Variants in MDGA2 observed in about 807,000 individuals in gnomAD.
The protein encoded by MDGA2 is MAM domain-containing glycosylphosphatidylinositol anchor protein 2.
In MDGA2, 40 loss-of-function variants were observed where a neutral mutation model predicts 117.8. That is an observed-to-expected ratio of 0.34 (90% confidence interval 0.26 to 0.44). The LOEUF is 0.44. Among genes scored for constraint, MDGA2 ranks in the 20% least tolerant of loss-of-function variants. The pLI is 1.00. For synonymous variants in MDGA2, 452 were observed against 439.0 expected (o/e 1.03, Z -0.37); for missense variants, 1,123 against 1,250.6 (o/e 0.90, Z 1.54).
intron 1 of MDGA2, among the ~76,000 whole-genome samples, chr14:47,475,426 A>G (rs1416160951): frequency 1.3e-5 from 2 of 152,332 alleles, no homozygotes; most frequent in Admixed American, 1.3e-4. Flanking sequence ...GCAATTCCTC[A>G]GAGATGCAGA....
At chr14:47,184,115 T>C (rs1566670524) in intron 3 of MDGA2, among the ~76,000 whole-genome samples, 1 of 151,984 alleles carries the variant, frequency 6.6e-6, no homozygotes, top group African/African-American at 2.4e-5. Flanking sequence ...TGTGTATATG[T>C]GTGTATGTAT....
chr14:46,862,469 C>T (rs983755695), intron 14 of MDGA2, among the ~76,000 whole-genome samples: 1 of 149,138 alleles, frequency 6.7e-6, no homozygotes, highest in Non-Finnish European at 1.5e-5. Flanking sequence ...TACTGTTAAC[C>T]TAGTTCTCTT....
chr14:47,541,144 T>C (rs1025095242), intron 1 of MDGA2, among the ~76,000 whole-genome samples: 1 of 152,174 alleles, frequency 6.6e-6, no homozygotes, highest in Non-Finnish European at 1.5e-5. Context: ...GTGATGAATG[T>C]GTGTCTGAAA....
intron 10 of MDGA2, among the ~76,000 whole-genome samples, chr14:46,903,596 T>C (rs1883377618): frequency 6.6e-6 from 1 of 152,214 alleles, no homozygotes; most frequent in South Asian, 2.1e-4. Flanking sequence ...GAGCCATTGC[T>C]CTATAATTAA....
intron 8 of MDGA2, among the ~76,000 whole-genome samples, chr14:47,008,111 T>G (rs982709166): frequency 2.0e-5 from 3 of 151,864 alleles, no homozygotes; most frequent in African/African-American, 4.8e-5. Context: ...TATTCCATAA[T>G]GGATAAATAT....
chr14:47,333,707 C>T (rs1890358092), intron 1 of MDGA2, among the ~76,000 whole-genome samples: 1 of 151,442 alleles, frequency 6.6e-6, no homozygotes. Context: ...AACCTTCATA[C>T]TCACACAAAT....
intron 1 of MDGA2, among the ~76,000 whole-genome samples, chr14:47,601,038 GT>G (rs889014131): frequency 6.6e-5 from 10 of 152,176 alleles, no homozygotes; most frequent in African/African-American, 2.4e-4. Flanking sequence ...GTTTTCAGAA[GT>G]TTTTTAGAGT....
chr14:47,156,827 G>A (rs1268004870), intron 3 of MDGA2, among the ~76,000 whole-genome samples: 2 of 152,110 alleles, frequency 1.3e-5, no homozygotes, highest in African/African-American at 4.8e-5. Flanking sequence ...CAATATACTT[G>A]GAGGCACTAA....
chr14:47,356,650 T>C (rs1205287650), intron 1 of MDGA2, among the ~76,000 whole-genome samples: 1 of 152,140 alleles, frequency 6.6e-6, no homozygotes, highest in Non-Finnish European at 1.5e-5. Context: ...TGTCTGTGGG[T>C]TGTGTGGACC....
intron 2 of MDGA2, among the ~76,000 whole-genome samples, chr14:47,286,433 G>A (rs1888671790): frequency 6.6e-6 from 1 of 151,876 alleles, no homozygotes; most frequent in African/African-American, 2.4e-5. Flanking sequence ...CTGCTTCCAT[G>A]AGATTAGTTT....
At chr14:47,432,837 T>G (rs1014952106) in intron 1 of MDGA2, among the ~76,000 whole-genome samples, 28 of 152,128 alleles carry the variant, frequency 1.8e-4, no homozygotes, top group Middle Eastern at 3.2e-3. Flanking sequence ...TGTTGGATGA[T>G]CTAGGTAGAT....
chr14:47,074,303 C>CA (rs543850311), intron 6 of MDGA2, among the ~76,000 whole-genome samples: 1 of 144,968 alleles, frequency 6.9e-6, no homozygotes, highest in Non-Finnish European at 1.5e-5. Flanking sequence ...AGTAACAGAA[C>CA]TTTTTTTTTT....
At chr14:47,085,498 C>G (rs980533312) in intron 6 of MDGA2, among the ~76,000 whole-genome samples, 1 of 152,124 alleles carries the variant, frequency 6.6e-6, no homozygotes, top group African/African-American at 2.4e-5. Flanking sequence ...TTGGTTGGAA[C>G]CACTTCATTC....
intron 1 of MDGA2, among the ~76,000 whole-genome samples, chr14:47,646,202 G>A (rs1371300408): frequency 6.6e-6 from 1 of 151,638 alleles, no homozygotes; most frequent in Non-Finnish European, 1.5e-5. Context: ...ATACCAATAG[G>A]TTTTGCTTTT....
chr14:47,009,043 C>A (rs1168083933), intron 8 of MDGA2, among the ~76,000 whole-genome samples: 1 of 151,856 alleles, frequency 6.6e-6, no homozygotes, highest in Non-Finnish European at 1.5e-5. Flanking sequence ...TGTATTTGTT[C>A]CTAGTGAGTA....
chr14:47,357,463 A>C (rs151022820), intron 1 of MDGA2, among the ~76,000 whole-genome samples: 33 of 152,350 alleles, frequency 2.2e-4, no homozygotes, highest in Non-Finnish European at 4.0e-4. Context: ...ATTTACTAGC[A>C]GAACAGGGAG....
At chr14:47,409,028 G>C (rs1892317410) in intron 1 of MDGA2, among the ~76,000 whole-genome samples, 1 of 152,164 alleles carries the variant, frequency 6.6e-6, no homozygotes, top group Non-Finnish European at 1.5e-5. Context: ...TTGTGTGTCT[G>C]GAGTGGATTG....
At chr14:47,377,999 T>C in intron 1 of MDGA2, among the ~76,000 whole-genome samples, 1 of 152,146 alleles carries the variant, frequency 6.6e-6, no homozygotes, top group East Asian at 1.9e-4. Context: ...TGGGTGCCCC[T>C]CTGAGACGAA....
chr14:47,158,714 C>A (rs1883511527), intron 3 of MDGA2, among the ~76,000 whole-genome samples: 1 of 152,170 alleles, frequency 6.6e-6, no homozygotes, highest in Non-Finnish European at 1.5e-5. Context: ...CTCGGCCTCC[C>A]AAAGTGCTGG....
Sources: allele counts gnomAD v4.1 joint callset (sites outside exome capture counted in the v4.1 genomes callset), GRCh38; gene constraint gnomAD v4.1.1; transcripts MANE v1.5; gene names NCBI Gene and HGNC (gene_info 2026-07-23, HGNC 2026-07-21).